The following CACNG4 variants were observed in gnomAD, a reference collection of about 807,000 sequenced individuals.
The protein encoded by CACNG4 is calcium voltage-gated channel auxiliary subunit gamma 4.
Under a neutral mutation model 22.9 loss-of-function variants are expected in CACNG4, and 8 were observed. That is an observed-to-expected ratio of 0.35 (90% CI 0.21 to 0.63). CACNG4 has a LOEUF of 0.63. Ranked by LOEUF, CACNG4 falls within the 30% of genes least tolerant of loss-of-function variation. CACNG4 has a pLI of 0.72. For synonymous variants in CACNG4, 188 were observed against 191.9 expected (o/e 0.98, Z 0.17); for missense variants, 357 against 455.4 (o/e 0.78, Z 1.97).
Position 67,015,717 on chromosome 17 carries a change from G to C in CACNG4, c.221-2472G>C, listed in dbSNP as rs73339170. Among the ~76,000 whole-genome samples, 793 of 152,270 alleles carry C rather than the reference G, an allele frequency of 5.2e-3. 11 individuals carry two copies. The highest frequency in any genetic ancestry group is 0.018 in the African/African-American group (767 of 41,546). On this transcript the variant is annotated intron_variant, in intron 1 of 3. Coordinates refer to ENST00000262138, the MANE Select transcript of CACNG4 (RefSeq NM_014405.4). ...CAGCCTGCCGCTGCAGAGCAAATCGGGAAAGAGGGACTCCTTTTTCTTTTT... is the reference window on the plus strand; with the variant it reads ...CAGCCTGCCGCTGCAGAGCAAATCGCGAAAGAGGGACTCCTTTTTCTTTTT...
chr17:67,011,522 T>C (rs1164187375), intron 1 of CACNG4, among the ~76,000 whole-genome samples: 1 of 152,144 alleles, frequency 6.6e-6, no homozygotes, highest in Non-Finnish European at 1.5e-5. Context: ...CTTGCCCTGC[T>C]CCACCAGAAT....
At chr17:67,025,038 T>C in intron 3 of CACNG4, 38 bp downstream of exon 3, 3 of 1,541,116 alleles carry the variant, frequency 1.9e-6, no homozygotes, top group Non-Finnish European at 2.6e-6. Flanking sequence ...GGCCGGGAGC[T>C]GGGGACACAG....
intron 1 of CACNG4, among the ~76,000 whole-genome samples, chr17:66,994,794 C>T (rs1171759227): frequency 6.6e-6 from 1 of 152,220 alleles, no homozygotes; most frequent in Non-Finnish European, 1.5e-5. Flanking sequence ...TAGCACTCAG[C>T]GCCTCCTCCA....
rs1181588942 is a variant in CACNG4 at position 66,965,007 on chromosome 17, C to G, written c.96C>G (p.Tyr32Ter). Residue 32 changes from tyrosine to a stop codon, truncating the protein, a stop_gained, in exon 1 of 4, where the codon TAC becomes TAG. Transcript: ENST00000262138. LOFTEE classifies it high-confidence loss of function. The stretch of plus-strand genomic sequence containing the variant: ...TGGCCATCGCCATCGGCACCGACTA[C>G]TGGCTGTACTCCAGCGCGCACATCT... ...SLMAIAIGTD[Y>*]WLYSSAHICN... 1 of 1,611,694 alleles carries G rather than the reference C, an allele frequency of 6.2e-7. No individual in the cohort carries two copies. Among genetic ancestry groups the G allele is most frequent in the South Asian group, 1.1e-5 (1 of 91,058 alleles).
intron 1 of CACNG4, among the ~76,000 whole-genome samples, chr17:66,982,406 C>T (rs561262546): frequency 6.6e-6 from 1 of 151,984 alleles, no homozygotes; most frequent in South Asian, 2.1e-4. Flanking sequence ...TGTGTTTTTA[C>T]AGAGTACCAA....
chr17:66,972,948 AAAC>A (rs1353752405), intron 1 of CACNG4, among the ~76,000 whole-genome samples: 11 of 149,932 alleles, frequency 7.3e-5, no homozygotes, highest in African/African-American at 2.5e-4. Context: ...AAAAACAAAC[AAAC>A]AAAAAAAACA....
rs1343904174 is a variant in CACNG4, at chr17:66,984,242, A to T, written c.220+19111A>T. On this transcript the variant is annotated intron_variant, in intron 1 of 3. Coordinates refer to ENST00000262138, the MANE Select transcript of CACNG4 (RefSeq NM_014405.4). The surrounding 1 kb of genome is among the most constrained non-coding windows in gnomAD (Gnocchi z 4.0). Reference sequence around the variant, plus strand: ...ACAACAAAAAATTAATTAGCTGGACATGGTGGTGCACACCTTTAGCCCTAG... The same window carrying T: ...ACAACAAAAAATTAATTAGCTGGACTTGGTGGTGCACACCTTTAGCCCTAG... Among the ~76,000 whole-genome samples, 2 of 152,222 alleles carry T rather than the reference A, an allele frequency of 1.3e-5. No individual in the cohort carries two copies. Among genetic ancestry groups the T allele is most frequent in the South Asian group, 2.1e-4 (1 of 4,820 alleles).
intron 1 of CACNG4, among the ~76,000 whole-genome samples, chr17:67,012,217 T>A (rs1339961282): frequency 6.6e-6 from 1 of 152,200 alleles, no homozygotes; most frequent in Admixed American, 6.5e-5. Flanking sequence ...TTCTGTCAAA[T>A]GGAGCAGAGA....
chr17:67,026,946 C>T (rs1179626786), intron 3 of CACNG4, among the ~76,000 whole-genome samples: 1 of 151,462 alleles, frequency 6.6e-6, no homozygotes, highest in African/African-American at 2.4e-5. Context: ...CTCCTTGAAG[C>T]AGTCATTTTT....
intron 2 of CACNG4, among the ~76,000 whole-genome samples, chr17:67,023,833 T>G (rs1393078955): frequency 6.6e-6 from 1 of 152,170 alleles, no homozygotes; most frequent in East Asian, 1.9e-4. Context: ...TGCCTTGGCC[T>G]CCCAAAGTGC....
In CACNG4 at chr17:66,995,831, C is replaced by G. The variant is rs1177943543; in HGVS notation, c.221-22358C>G. On this transcript the variant is annotated intron_variant, in intron 1 of 3. Coordinates refer to ENST00000262138, the MANE Select transcript of CACNG4 (RefSeq NM_014405.4). ...TGCCACTGCACTCCGGCCTGGGTGACAGAGCAAGACTCCATCTTGAAAAAA... is the reference window on the plus strand; with the variant it reads ...TGCCACTGCACTCCGGCCTGGGTGAGAGAGCAAGACTCCATCTTGAAAAAA... Among the ~76,000 whole-genome samples, 3 of 150,500 alleles carry G rather than the reference C, an allele frequency of 2.0e-5. 1 individual carries two copies. The highest frequency in any genetic ancestry group is 7.5e-5 in the African/African-American group (3 of 39,958).
rs764243170 is a variant in CACNG4, at chr17:67,031,732, C to G, written c.*728C>G. ...TTTGCTTCTGGAAGTTTCTGCCTCA[C>G]TCAGAATGGGCAGGACAGACCCACT... On this transcript the variant is annotated 3_prime_UTR_variant, in exon 4 of 4. Coordinates refer to ENST00000262138, the MANE Select transcript of CACNG4 (RefSeq NM_014405.4). The surrounding 1 kb of genome is among the most constrained non-coding windows in gnomAD (Gnocchi z 4.0). 2.2e-6 allele frequency: 1 copy of G among 456,200 alleles called. No homozygotes were observed. Among genetic ancestry groups the G allele is most frequent in the Non-Finnish European group, 4.4e-6 (1 of 226,988 alleles). The allele number at this position is 456,200 out of a possible 1,614,324, so 28.3% of individuals were successfully genotyped here.
chr17:67,023,270 C>CTTTTT lies in CACNG4; in HGVS notation c.305-1571_305-1567dup, dbSNP rs3043068. On this transcript the variant is annotated intron_variant, in intron 2 of 3. Coordinates refer to ENST00000262138, the MANE Select transcript of CACNG4 (RefSeq NM_014405.4). Reference sequence around the variant, plus strand: ...CTGAGTCACATCTGCAAGACCTCTTCTTTTTTTTTTTTTTTTTTTTTTTGA... The same window carrying CTTTTT: ...CTGAGTCACATCTGCAAGACCTCTTCTTTTTTTTTTTTTTTTTTTTTTTTTTTTGA... 3.5e-3 allele frequency among the ~76,000 whole-genome samples: 283 copies of CTTTTT among 79,764 alleles called. 5 individuals are homozygous for CTTTTT. The highest frequency in any genetic ancestry group is 4.7e-3 in the Non-Finnish European group (210 of 44,722). The allele number at this position is 79,764 out of a possible 152,430, so 52.3% of individuals were successfully genotyped here.
At position 67,030,528 on chromosome 17, in the gene CACNG4, A is replaced by C. The variant is rs910219206; in HGVS notation, c.508A>C (p.Lys170Gln). The C allele has an allele frequency of 6.2e-7, 1 of 1,614,196 alleles. No individual in the cohort carries two copies. The highest frequency in any genetic ancestry group is 8.5e-7 in the Non-Finnish European group (1 of 1,180,032). ...CAGCAACACAGGTGACCCGAGTGAC[A>C]AGCGGGACGAAGACAAAAAGAACCA... ...ISSNTGDPSD[K>Q]RDEDKKNHYN... Residue 170 changes from lysine to glutamine, a missense_variant, in exon 4 of 4, where the codon AAG becomes CAG. Lys to Gln is a moderately conservative substitution (Grantham distance 53). This residue lies in a region of CACNG4 where 240 missense variants were observed against 277.6 expected (regional missense o/e 0.86). Coordinates refer to ENST00000262138, the MANE Select transcript of CACNG4 (RefSeq NM_014405.4). The surrounding 1 kb of genome is among the most constrained non-coding windows in gnomAD (Gnocchi z 6.4).
chr17:66,985,145 G>A (rs963745618), intron 1 of CACNG4, among the ~76,000 whole-genome samples: 2 of 152,018 alleles, frequency 1.3e-5, no homozygotes, highest in Non-Finnish European at 2.9e-5. Context: ...CCCACCACCC[G>A]CCCTCATCCT....
Position 66,964,975 on chromosome 17 carries a change from T to C in CACNG4, c.64T>C (p.Ser22Pro), listed in dbSNP as rs1254621340. 6.2e-7 allele frequency: 1 copy of C among 1,609,700 alleles called. No individual in the cohort carries two copies. Among genetic ancestry groups the C allele is most frequent in the Non-Finnish European group, 8.5e-7 (1 of 1,178,480 alleles). Residue 22 changes from serine to proline, a missense_variant, in exon 1 of 4, where the codon TCG (serine) becomes CCG (proline). Around this residue, in one of 3 missense-constraint regions of CACNG4, gnomAD observed 114 missense variants for 161.6 expected, o/e 0.71. Transcript: ENST00000262138. ...LTTAGAFAAF[S>P]LMAIAIGTDY... ...CACGGCCGGAGCCTTCGCCGCCTTC[T>C]CGCTCATGGCCATCGCCATCGGCAC...
intron 1 of CACNG4, among the ~76,000 whole-genome samples, chr17:66,997,287 G>A (rs764928616): frequency 3.9e-5 from 6 of 152,290 alleles, no homozygotes; most frequent in Middle Eastern, 3.4e-3. Context: ...TTCCAAGGTC[G>A]GCTGATGGAT....
At position 67,008,814 on chromosome 17, in the gene CACNG4, T is replaced by C. The variant is rs531059217; in HGVS notation, c.221-9375T>C. ...AATAACAAAACTTAGCCAGGCATGG[T>C]GGCACATGCCTTTAATCCCAGCTAC... On this transcript the variant is annotated intron_variant, in intron 1 of 3. Transcript: ENST00000262138. Among the ~76,000 whole-genome samples the C allele has an allele frequency of 2.6e-5, 4 of 152,114 alleles. No homozygotes were observed. In the South Asian group the frequency reaches 8.3e-4, roughly 32 times the overall value.
chr17:67,023,073 C>A (rs1322437974), intron 2 of CACNG4, among the ~76,000 whole-genome samples: 1 of 152,120 alleles, frequency 6.6e-6, no homozygotes, highest in Non-Finnish European at 1.5e-5. Flanking sequence ...CCTCTCCCAG[C>A]TTTGGAGGTG....
Sources: gnomAD v4.1 joint callset for allele counts (sites outside exome capture counted in the v4.1 genomes callset) on GRCh38, gnomAD v4.1.1 for gene constraint, gnomAD v4.1.1 regional missense constraint, Gnocchi (gnomAD v3.1) non-coding constraint, MANE v1.5 for transcripts, NCBI Gene and HGNC (gene_info 2026-07-23, HGNC 2026-07-21) for gene names.